DST: variants seen among roughly 807,000 people sequenced by gnomAD.
DST encodes dystonin.
A neutral mutation model predicts 875.2 loss-of-function variants in DST; 253 were observed. The ratio of observed to expected loss-of-function variants is 0.29; its 90% CI spans 0.26 to 0.32. The LOEUF (loss-of-function observed/expected upper bound fraction) is 0.32, where lower values mean the gene tolerates loss of function less well. Ranked by LOEUF, DST falls within the 10% of genes least tolerant of loss-of-function variation. The pLI is 1.00. For synonymous variants in DST, 3,124 were observed against 3,197.1 expected (o/e 0.98, Z 0.77); for missense variants, 8,287 against 9,111.6 (o/e 0.91, Z 3.68).
intron 4 of DST, among the ~76,000 whole-genome samples, chr6:56,806,997 T>G (rs2099753685): frequency 6.6e-6 from 1 of 152,206 alleles, no homozygotes; most frequent in South Asian, 2.1e-4. Flanking sequence ...GAGATCTAAA[T>G]ATATACTACG....
At chr6:56,467,357 C>T (rs759824927) in intron 98 of DST, 1 of 152,062 alleles carries the variant, frequency 6.6e-6, no homozygotes, top group South Asian at 2.1e-4. Flanking sequence ...CCCTCAGGAT[C>T]CTAAAACTCA....
At chr6:56,570,699 T>C (rs2097766670) in intron 53 of DST, among the ~76,000 whole-genome samples, 1 of 152,106 alleles carries the variant, frequency 6.6e-6, no homozygotes, top group African/African-American at 2.4e-5. Context: ...AAATAACTGT[T>C]GGTCTATTTT....
rs774171052 is a variant in DST, at chr6:56,617,388, TATGCATATCATA to T, written c.4930-2916_4930-2905del. 1.2e-6 allele frequency: 2 copies of T among 1,613,690 alleles called. No individual in the cohort carries two copies. The highest frequency in any genetic ancestry group is 3.3e-5 in the Admixed American group (2 of 59,992). ...TCTTGTTTTAATGTTGTGACTTCTG[TATGCATATCATA>T]CTGCTTGTTCTTAGCTATCTGTAAC... On this transcript the variant is annotated intron_variant, in intron 36 of 103. Transcript: ENST00000680361.
chr6:56,704,223 T>G (rs2099323430), intron 6 of DST, 57 bp downstream of exon 6: 4 of 854,296 alleles, frequency 4.7e-6, no homozygotes. Flanking sequence ...AACATACTGG[T>G]CCTATGCAGA....
chr6:56,616,117 C>A lies in DST; in HGVS notation c.4930-1633G>T, dbSNP rs768775070. On this transcript the variant is annotated intron_variant, in intron 36 of 103. Transcript: ENST00000680361. ...TTTCCCCACTAGCAGTCAGCCAATACCCTGCAACAGGACTGTGCAAATCTT... is the reference window on the plus strand; with the variant it reads ...TTTCCCCACTAGCAGTCAGCCAATAACCTGCAACAGGACTGTGCAAATCTT... 41 of 1,614,068 alleles carry A rather than the reference C, an allele frequency of 2.5e-5. No homozygotes were observed. Among genetic ancestry groups the A allele is most frequent in the Admixed American group, 3.3e-5 (2 of 59,998 alleles).
At chr6:56,550,328 CTT>C in intron 61 of DST, among the ~76,000 whole-genome samples, 1 of 152,268 alleles carries the variant, frequency 6.6e-6, no homozygotes, top group South Asian at 2.1e-4. Context: ...TCAATCAACT[CTT>C]TCCAAATAAT....
chr6:56,467,049 GT>G (rs1411189397), intron 98 of DST: 6 of 152,210 alleles, frequency 3.9e-5, no homozygotes, highest in East Asian at 3.9e-4. Flanking sequence ...ACAGGTTTAT[GT>G]TTTGAAAGCC....
chr6:56,486,228 T>G (rs1220237076), intron 87 of DST, among the ~76,000 whole-genome samples: 2 of 151,726 alleles, frequency 1.3e-5, no homozygotes, highest in African/African-American at 4.8e-5. Context: ...CCGGGCGTAG[T>G]GGCGGACGCC....
intron 23 of DST, among the ~76,000 whole-genome samples, chr6:56,636,102 C>G (rs2098821595): frequency 6.6e-6 from 1 of 151,934 alleles, no homozygotes; most frequent in Non-Finnish European, 1.5e-5. Flanking sequence ...AAATAAGAGA[C>G]ACATTTGTAG....
chr6:56,607,913 C>T lies in DST; in HGVS notation c.6715G>A (p.Ala2239Thr). ...ATGGCTGTGTTTCCATCAAATTCTGCATGACAGCCTTCCAGTAGCATGCCA... is the reference window on the plus strand; with the variant it reads ...ATGGCTGTGTTTCCATCAAATTCTGTATGACAGCCTTCCAGTAGCATGCCA... ...AVGMLLEGCH[A>T]EFDGNTAIKE... Residue 2239 changes from alanine (A) to threonine (T), a missense_variant, in exon 40 of 104, where the codon GCA becomes ACA. By Grantham distance (58) the Ala-to-Thr change is moderately conservative. Coordinates refer to ENST00000680361, the MANE Select transcript of DST (RefSeq NM_001374736.1). The T allele has an allele frequency of 6.2e-7, 1 of 1,613,690 alleles. No homozygotes were observed. The highest frequency in any genetic ancestry group is 8.5e-7 in the Non-Finnish European group (1 of 1,179,728).
intron 36 of DST, chr6:56,618,640 T>A: frequency 6.2e-7 from 1 of 1,614,210 alleles, no homozygotes; most frequent in Non-Finnish European, 8.5e-7. Flanking sequence ...CTTTAATGTT[T>A]GTTTCACAAA....
chr6:56,880,797 A>G (rs1485081309), intron 3 of DST, among the ~76,000 whole-genome samples: 1 of 150,908 alleles, frequency 6.6e-6, no homozygotes, highest in African/African-American at 2.4e-5. Flanking sequence ...GATTAATGAA[A>G]TACTTAATAT....
At chr6:56,537,002 T>C in intron 61 of DST, 62 bp from the exon 62 acceptor site, 1 of 1,459,170 alleles carries the variant, frequency 6.9e-7, no homozygotes, top group Admixed American at 1.8e-5. Context: ...AAATATATAA[T>C]AAGCATTTCT....
At chr6:56,770,744 T>C (rs1396400083) in intron 4 of DST, among the ~76,000 whole-genome samples, 1 of 152,184 alleles carries the variant, frequency 6.6e-6, no homozygotes, top group African/African-American at 2.4e-5. Context: ...CTCATGCCTG[T>C]AATCCCAACA....
chr6:56,625,328 T>C, intron 34 of DST, 64 bp from the exon 35 acceptor site: 1 of 1,023,060 alleles, frequency 9.8e-7, no homozygotes, highest in South Asian at 1.3e-5. Flanking sequence ...CATTCTACAA[T>C]AATTTAACAC....
At chr6:56,481,529 T>A (rs2095401843) in intron 90 of DST, among the ~76,000 whole-genome samples, 1 of 152,172 alleles carries the variant, frequency 6.6e-6, no homozygotes. Context: ...ATACTATAGG[T>A]TTCTTCTAAA....
chr6:56,495,816 T>G (rs1264433192), intron 82 of DST, among the ~76,000 whole-genome samples: 1 of 152,094 alleles, frequency 6.6e-6, no homozygotes, highest in Non-Finnish European at 1.5e-5. Flanking sequence ...TTAGTAGGAC[T>G]TACTTAAACT....
intron 5 of DST, among the ~76,000 whole-genome samples, chr6:56,705,913 T>C (rs1372543774): frequency 1.3e-5 from 2 of 152,238 alleles, no homozygotes; most frequent in African/African-American, 4.8e-5. Flanking sequence ...GAATATCAGT[T>C]GAATCTCTGA....
chr6:56,858,192 T>TGAGAGGAAGGGGGATCAGAGG (rs536779932), intron 3 of DST, among the ~76,000 whole-genome samples: 2,507 of 151,542 alleles, frequency 0.017, 39 homozygotes, highest in Middle Eastern at 0.045. Context: ...TGGGTGGAGG[T>TGAGAGGAAGGGGGATCAGAGG]GAGAGGAAGG....
Sources: allele counts gnomAD v4.1 joint callset (sites outside exome capture counted in the v4.1 genomes callset), GRCh38; gene constraint gnomAD v4.1.1; transcripts MANE v1.5; gene names NCBI Gene and HGNC (gene_info 2026-07-23, HGNC 2026-07-21).